The following NTRK3 variants were observed in gnomAD, a reference collection of about 807,000 sequenced individuals.
NTRK3 encodes neurotrophic receptor tyrosine kinase 3.
In NTRK3, 24 loss-of-function variants were observed where a neutral mutation model predicts 91.7. The observed-to-expected ratio is 0.26, with a 90% CI of 0.19 to 0.37. NTRK3 has a LOEUF of 0.37. Among genes scored for constraint, NTRK3 ranks in the 10% least tolerant of loss-of-function variants. NTRK3 has a pLI of 1.00. For missense variants in NTRK3, 880 were observed against 1,068.9 expected (o/e 0.82, Z 2.46); for synonymous variants, 483 against 404.0 (o/e 1.20, Z -2.34).
chr15:87,892,603 G>A (rs564314526), intron 17 of NTRK3, among the ~76,000 whole-genome samples: 1 of 151,778 alleles, frequency 6.6e-6, no homozygotes, highest in African/African-American at 2.4e-5. Flanking sequence ...CGACTTTTTT[G>A]TGCATCACTA....
At chr15:88,196,802 T>G (rs1197037086) in intron 3 of NTRK3, among the ~76,000 whole-genome samples, 1 of 152,208 alleles carries the variant, frequency 6.6e-6, no homozygotes, top group African/African-American at 2.4e-5. Context: ...AATTACTGCC[T>G]AATTAGAGAT....
At chr15:88,025,039 G>A (rs1339906844) in intron 14 of NTRK3, among the ~76,000 whole-genome samples, 3 of 152,078 alleles carry the variant, frequency 2.0e-5, no homozygotes, top group South Asian at 2.1e-4. Flanking sequence ...ACAATCACAC[G>A]TGTGTGGCCA....
At chr15:87,900,936 A>T (rs997712825) in intron 17 of NTRK3, among the ~76,000 whole-genome samples, 5 of 152,106 alleles carry the variant, frequency 3.3e-5, no homozygotes, top group African/African-American at 9.7e-5. Flanking sequence ...AGACTGGATA[A>T]TCTTTGGATG....
At chr15:87,864,043 A>G (rs1333663863) in exon 19 of NTRK3, 3 of 232,108 alleles carry the variant, frequency 1.3e-5, no homozygotes, top group Non-Finnish European at 2.6e-5. Flanking sequence ...AGTAAAGTCT[A>G]CCTGAGAAAT....
exon 19 of NTRK3, chr15:87,866,071 G>T (rs1567047445): frequency 4.3e-6 from 1 of 229,938 alleles, no homozygotes; most frequent in East Asian, 6.2e-5. Context: ...TAACAGTTAT[G>T]ATCTCATTTA....
At chr15:88,175,098 T>C (rs1597765490) in intron 5 of NTRK3, among the ~76,000 whole-genome samples, 1 of 152,258 alleles carries the variant, frequency 6.6e-6, no homozygotes, top group African/African-American at 2.4e-5. Flanking sequence ...CAGTAGCCTA[T>C]CTACTGCATA....
chr15:88,035,521 G>T (rs2078996300), intron 13 of NTRK3, among the ~76,000 whole-genome samples: 1 of 151,996 alleles, frequency 6.6e-6, no homozygotes, highest in Non-Finnish European at 1.5e-5. Flanking sequence ...ATGGACATTT[G>T]GAGATCTACC....
At chr15:88,138,372 T>G (rs1364785734) in intron 6 of NTRK3, among the ~76,000 whole-genome samples, 3 of 152,026 alleles carry the variant, frequency 2.0e-5, no homozygotes, top group Admixed American at 1.3e-4. Flanking sequence ...ATTGCACCAC[T>G]GCACTCCAGC....
intron 5 of NTRK3, among the ~76,000 whole-genome samples, chr15:88,175,809 G>A (rs2045939583): frequency 6.6e-6 from 1 of 152,136 alleles, no homozygotes; most frequent in Non-Finnish European, 1.5e-5. Context: ...TAAGTAACTT[G>A]CCCAAGATAT....
intron 14 of NTRK3, among the ~76,000 whole-genome samples, chr15:87,983,974 T>C (rs2074515512): frequency 6.6e-6 from 1 of 152,076 alleles, no homozygotes; most frequent in Non-Finnish European, 1.5e-5. Flanking sequence ...ACCCTCACAA[T>C]GACACTTCGC....
At chr15:88,152,548 T>G (rs574362932) in intron 5 of NTRK3, among the ~76,000 whole-genome samples, 1 of 152,324 alleles carries the variant, frequency 6.6e-6, no homozygotes, top group African/African-American at 2.4e-5. Context: ...AAATGAGCCC[T>G]GCCAATGACA....
intron 14 of NTRK3, chr15:87,979,303 C>A: frequency 7.1e-7 from 1 of 1,400,790 alleles, no homozygotes; most frequent in Non-Finnish European, 1.0e-6. Flanking sequence ...AGGGCCCAGC[C>A]TACCAAGGTG....
chr15:87,920,336 A>C (rs1459114209), intron 17 of NTRK3, among the ~76,000 whole-genome samples: 1 of 152,220 alleles, frequency 6.6e-6, no homozygotes, highest in African/African-American at 2.4e-5. Flanking sequence ...GTTGTTTTTC[A>C]AAATTCACCT....
intron 13 of NTRK3, among the ~76,000 whole-genome samples, chr15:88,107,082 A>T (rs2050795034): frequency 6.6e-6 from 1 of 152,126 alleles, no homozygotes; most frequent in Non-Finnish European, 1.5e-5. Context: ...GAATAATAAG[A>T]TTACCACTAA....
intron 13 of NTRK3, among the ~76,000 whole-genome samples, chr15:88,115,112 T>C (rs554479992): frequency 6.6e-6 from 1 of 152,324 alleles, no homozygotes; most frequent in East Asian, 1.9e-4. Flanking sequence ...TTAATAAATA[T>C]TGTCAAGCCA....
chr15:88,245,114 T>A (rs943970323), intron 3 of NTRK3, among the ~76,000 whole-genome samples: 19 of 152,194 alleles, frequency 1.2e-4, no homozygotes, highest in African/African-American at 4.3e-4. Flanking sequence ...TTTTTCCAAA[T>A]ACATGCCATC....
intron 14 of NTRK3, among the ~76,000 whole-genome samples, chr15:87,974,630 A>G (rs750704573): frequency 9.2e-5 from 14 of 152,066 alleles, no homozygotes; most frequent in African/African-American, 2.9e-4. Flanking sequence ...GTCCTCCCCA[A>G]TATCAAAAAG....
intron 14 of NTRK3, among the ~76,000 whole-genome samples, chr15:87,952,289 G>C (rs2071205361): frequency 6.6e-6 from 1 of 151,738 alleles, no homozygotes; most frequent in Non-Finnish European, 1.5e-5. Context: ...AGAAAGAAAA[G>C]AAAGACTCCT....
chr15:88,138,267 G>T (rs186071469), intron 6 of NTRK3, among the ~76,000 whole-genome samples: 2 of 151,716 alleles, frequency 1.3e-5, no homozygotes, highest in Admixed American at 1.3e-4. Context: ...AAAATTAGCC[G>T]GGCGTGGTGG....
Sources: allele counts gnomAD v4.1 joint callset (sites outside exome capture counted in the v4.1 genomes callset), GRCh38; gene constraint gnomAD v4.1.1; transcripts MANE v1.5; gene names NCBI Gene and HGNC (gene_info 2026-07-23, HGNC 2026-07-21).